Variants in HDAC9 observed in about 807,000 individuals in gnomAD.
HDAC9 encodes histone deacetylase 9, also known as MEF-2 interacting transcription repressor (MITR) protein.
HDAC9 carries 41 observed loss-of-function variants against 139.4 expected under a neutral mutation model. The observed-to-expected ratio is 0.29, with a 90% CI of 0.23 to 0.38. HDAC9 has a LOEUF of 0.38. Among genes scored for constraint, HDAC9 ranks in the 10% least tolerant of loss-of-function variants. The pLI is 1.00. For synonymous variants in HDAC9, 517 were observed against 476.2 expected (o/e 1.09, Z -1.12); for missense variants, 1,147 against 1,297.0 (o/e 0.88, Z 1.78).
chr7:18,786,510 CT>C (rs1791765359), intron 16 of HDAC9, among the ~76,000 whole-genome samples: 3 of 129,126 alleles, frequency 2.3e-5, no homozygotes, highest in African/African-American at 6.9e-5. Flanking sequence ...TCCTTCCTCT[CT>C]CTCATGTACT....
At chr7:18,645,509 T>G (rs988588904) in intron 9 of HDAC9, among the ~76,000 whole-genome samples, 1 of 152,274 alleles carries the variant, frequency 6.6e-6, no homozygotes, top group East Asian at 1.9e-4. Context: ...AATTTCCTAG[T>G]ACTCAGCAGA....
chr7:18,299,043 T>C (rs897173513), intron 1 of HDAC9, among the ~76,000 whole-genome samples: 1 of 152,114 alleles, frequency 6.6e-6, no homozygotes, highest in African/African-American at 2.4e-5. Flanking sequence ...TGAATAAAGA[T>C]ATTTATATAA....
chr7:18,385,748 T>C (rs1417189984), intron 1 of HDAC9, among the ~76,000 whole-genome samples: 1 of 152,178 alleles, frequency 6.6e-6, no homozygotes, highest in Non-Finnish European at 1.5e-5. Flanking sequence ...ACAAACCCAA[T>C]GCACTGAATC....
intron 2 of HDAC9, among the ~76,000 whole-genome samples, chr7:18,567,824 A>G (rs570512018): frequency 3.3e-5 from 5 of 151,990 alleles, no homozygotes; most frequent in Admixed American, 6.6e-5. Context: ...TTTGAGGTGT[A>G]TAAGATGTTT....
At chr7:18,811,824 G>C (rs1488220113) in intron 17 of HDAC9, among the ~76,000 whole-genome samples, 1 of 151,456 alleles carries the variant, frequency 6.6e-6, no homozygotes, top group African/African-American at 2.4e-5. Context: ...GTGTGAGAGA[G>C]AGAGGAGGGG....
chr7:18,788,695 C>CA (rs1169342735), intron 16 of HDAC9, among the ~76,000 whole-genome samples: 1 of 148,760 alleles, frequency 6.7e-6, no homozygotes, highest in Non-Finnish European at 1.5e-5. Flanking sequence ...GCAGAGGTTG[C>CA]AGTGAGCCAA....
rs367846439 is a variant in HDAC9 at position 18,731,127 on chromosome 7, A to G, written c.1909+3370A>G. Among the ~76,000 whole-genome samples, 3 of 152,260 alleles carry G rather than the reference A, an allele frequency of 2.0e-5. No individual in the cohort carries two copies. The East Asian group carries it at 5.8e-4, about 29-fold the overall frequency. On this transcript the variant is annotated intron_variant, in intron 13 of 25. Coordinates refer to ENST00000686413, the MANE Select transcript of HDAC9 (RefSeq NM_178425.4). ...GAATGATGCGCAATTTAAAACTTAG[A>G]ATTTGGTTGTTATATAATTGTGTAT...
chr7:18,495,819 A>C lies in HDAC9; in HGVS notation c.-246A>C. On this transcript the variant is annotated 5_prime_UTR_variant, in exon 1 of 26. Transcript: ENST00000686413. ...CACTTGCAGGACTGAGGGTTTTTGC[A>C]ACAAAACCCTAGCAGCCTGAAGAAC... 1 of 1,017,266 alleles carries C rather than the reference A, an allele frequency of 9.8e-7. No homozygotes were observed. The highest frequency in any genetic ancestry group is 1.2e-6 in the Non-Finnish European group (1 of 851,318). The allele number at this position is 1,017,266 out of a possible 1,614,324, so 63.0% of individuals were successfully genotyped here.
At chr7:18,597,096 T>C (rs1013316945) in intron 6 of HDAC9, among the ~76,000 whole-genome samples, 8 of 152,240 alleles carry the variant, frequency 5.3e-5, no homozygotes, top group Admixed American at 3.9e-4. Flanking sequence ...CTTTACTTCC[T>C]TCCCCTTAGG....
chr7:18,644,773 G>C lies in HDAC9; in HGVS notation c.1015G>C (p.Ala339Pro). 6.2e-7 allele frequency: 1 copy of C among 1,611,118 alleles called. No homozygotes were observed. Among genetic ancestry groups the C allele is most frequent in the Non-Finnish European group, 8.5e-7 (1 of 1,178,474 alleles). The change falls in exon 9 of 26, where the codon GCA (alanine) becomes CCA (proline). Residue 339 changes from alanine (A) to proline (P), a missense_variant. Physicochemically the swap from Ala to Pro is conservative, Grantham distance 27. This residue lies in a region of HDAC9 where 264 missense variants were observed against 273.8 expected (regional missense o/e 0.96). Coordinates refer to ENST00000686413, the MANE Select transcript of HDAC9 (RefSeq NM_178425.4). ...GCCCAACATTACCTTGGGGCTTCCC[G>C]CAGTGCCATCCCAGCTCAATGTAAG... ...SLPNITLGLPAVPSQLNASNS... is the reference protein window; with the variant it reads ...SLPNITLGLPPVPSQLNASNS...
At chr7:18,088,616 A>G (rs558701939) in intron 1 of HDAC9, among the ~76,000 whole-genome samples, 1 of 152,244 alleles carries the variant, frequency 6.6e-6, no homozygotes, top group Non-Finnish European at 1.5e-5. Context: ...ATCAGCAATC[A>G]TGTTTAAAAG....
At chr7:18,308,364 G>T (rs1483747035) in intron 1 of HDAC9, among the ~76,000 whole-genome samples, 1 of 152,116 alleles carries the variant, frequency 6.6e-6, no homozygotes, top group South Asian at 2.1e-4. Flanking sequence ...TACAAGAAAA[G>T]AACTTTTCTT....
intron 17 of HDAC9, among the ~76,000 whole-genome samples, chr7:18,796,734 T>C (rs1454696635): frequency 6.6e-6 from 1 of 152,248 alleles, no homozygotes; most frequent in Non-Finnish European, 1.5e-5. Context: ...AATGGTTTTA[T>C]TGTTTTATAG....
intron 2 of HDAC9, among the ~76,000 whole-genome samples, chr7:18,571,391 G>T (rs952351346): frequency 2.6e-5 from 4 of 152,168 alleles, no homozygotes; most frequent in African/African-American, 9.7e-5. Context: ...CATTCCCTGG[G>T]GGAAAGGAAT....
At chr7:18,121,098 A>T (rs554232987) in intron 1 of HDAC9, among the ~76,000 whole-genome samples, 53 of 152,336 alleles carry the variant, frequency 3.5e-4, no homozygotes, top group Middle Eastern at 3.4e-3. Context: ...TTTGGGACAA[A>T]TCCTGACAGA....
chr7:18,275,833 C>T (rs1178704760), intron 2 of HDAC9, among the ~76,000 whole-genome samples: 1 of 152,158 alleles, frequency 6.6e-6, no homozygotes, highest in African/African-American at 2.4e-5. Flanking sequence ...TTGTTTATAG[C>T]ACTTCCTATT....
intron 1 of HDAC9, among the ~76,000 whole-genome samples, chr7:18,405,958 C>T (rs4721711): frequency 0.63 from 95,145 of 152,026 alleles, 31,539 homozygotes; most frequent in Non-Finnish European, 0.73. Context: ...AACTGGCCTC[C>T]CTTCCCCTCT....
intron 1 of HDAC9, among the ~76,000 whole-genome samples, chr7:18,431,160 A>G (rs1202191711): frequency 6.6e-6 from 1 of 152,148 alleles, no homozygotes; most frequent in African/African-American, 2.4e-5. Context: ...CAGTTTCTAT[A>G]TGCTTGAAAC....
intron 22 of HDAC9, among the ~76,000 whole-genome samples, chr7:18,933,291 A>G (rs1804944504): frequency 6.6e-6 from 1 of 152,154 alleles, no homozygotes; most frequent in Non-Finnish European, 1.5e-5. Context: ...CAAGAGAACT[A>G]GAGGACTCTG....
Sources: allele counts gnomAD v4.1 joint callset (sites outside exome capture counted in the v4.1 genomes callset), GRCh38; gene constraint gnomAD v4.1.1; regional missense constraint gnomAD v4.1.1; transcripts MANE v1.5; gene names NCBI Gene and HGNC (gene_info 2026-07-23, HGNC 2026-07-21).